Variants in DAB2IP observed in about 807,000 individuals in gnomAD.
The protein encoded by DAB2IP is DAB2 interacting protein.
DAB2IP carries 28 observed loss-of-function variants against 107.2 expected under a neutral mutation model. The ratio of observed to expected loss-of-function variants is 0.26; its 90% CI spans 0.19 to 0.36. The LOEUF is 0.36. DAB2IP is among the 10% of genes least tolerant of loss of function. DAB2IP has a pLI of 1.00. For missense variants in DAB2IP, 1,400 were observed against 1,644.7 expected (o/e 0.85, Z 2.57); for synonymous variants, 755 against 706.4 (o/e 1.07, Z -1.09).
intron 1 of DAB2IP, among the ~76,000 whole-genome samples, chr9:121,569,567 C>A (rs1182334517): frequency 6.6e-6 from 1 of 152,250 alleles, no homozygotes; most frequent in African/African-American, 2.4e-5. Context: ...TGCCTGAAAT[C>A]CCAGCACTTT....
At chr9:121,643,029 G>T (rs913431070) in intron 1 of DAB2IP, among the ~76,000 whole-genome samples, 11 of 151,944 alleles carry the variant, frequency 7.2e-5, no homozygotes, top group African/African-American at 2.7e-4. Flanking sequence ...GTGGGACCAC[G>T]TTTGGCACAT....
chr9:121,703,066 C>T (rs575440428), intron 3 of DAB2IP, among the ~76,000 whole-genome samples: 32 of 152,180 alleles, frequency 2.1e-4, no homozygotes, highest in African/African-American at 7.5e-4. Context: ...TGCTGGCTGG[C>T]GTTCCCACAC....
At chr9:121,642,989 A>C (rs764637892) in intron 1 of DAB2IP, among the ~76,000 whole-genome samples, 1 of 152,114 alleles carries the variant, frequency 6.6e-6, no homozygotes, top group Non-Finnish European at 1.5e-5. Context: ...GGAATGAGGC[A>C]GCAGGAACTG....
intron 3 of DAB2IP, among the ~76,000 whole-genome samples, chr9:121,740,653 C>T (rs1310006614): frequency 1.3e-5 from 2 of 152,206 alleles, no homozygotes; most frequent in East Asian, 3.8e-4. Flanking sequence ...GTTCAGAATG[C>T]ATCGGCTTGA....
At chr9:121,616,232 G>A (rs761662225) in intron 1 of DAB2IP, among the ~76,000 whole-genome samples, 1 of 152,228 alleles carries the variant, frequency 6.6e-6, no homozygotes, top group Admixed American at 6.5e-5. Flanking sequence ...GGGAAGAGAA[G>A]AGCCTTCTGT....
At chr9:121,755,899 G>A (rs1337415957) in intron 3 of DAB2IP, among the ~76,000 whole-genome samples, 2 of 152,198 alleles carry the variant, frequency 1.3e-5, no homozygotes, top group Non-Finnish European at 2.9e-5. Context: ...GGTTTGGCGA[G>A]GCAGGGAGAG....
At chr9:121,624,934 C>G (rs796738882) in intron 1 of DAB2IP, among the ~76,000 whole-genome samples, 1 of 152,032 alleles carries the variant, frequency 6.6e-6, no homozygotes, top group African/African-American at 2.4e-5. Flanking sequence ...TAGGGGGCTG[C>G]GAGAAGAGCA....
intron 1 of DAB2IP, among the ~76,000 whole-genome samples, chr9:121,567,862 C>T (rs657239): frequency 0.84 from 127,305 of 152,138 alleles, 53,326 homozygotes; most frequent in South Asian, 0.9. Flanking sequence ...GCTCCAGCGA[C>T]GCAGTAACTC....
intron 3 of DAB2IP, among the ~76,000 whole-genome samples, chr9:121,715,287 G>T (rs1192509823): frequency 6.6e-6 from 1 of 152,048 alleles, no homozygotes; most frequent in Non-Finnish European, 1.5e-5. Flanking sequence ...TTGCTTTCTT[G>T]GGTCTTTGCT....
intron 1 of DAB2IP, among the ~76,000 whole-genome samples, chr9:121,659,896 A>C (rs1833130468): frequency 1.3e-5 from 2 of 152,198 alleles, no homozygotes; most frequent in Non-Finnish European, 2.9e-5. Flanking sequence ...AGGCTGCCAC[A>C]GGTCTCACTG....
chr9:121,768,700 C>G, intron 10 of DAB2IP, 67 bp downstream of exon 10: 1 of 1,587,180 alleles, frequency 6.3e-7, no homozygotes. Flanking sequence ...TTCCCCCTTC[C>G]AGAGTAACCA....
chr9:121,581,862 T>G (rs1331036044), intron 1 of DAB2IP, among the ~76,000 whole-genome samples: 2 of 152,238 alleles, frequency 1.3e-5, no homozygotes, highest in Non-Finnish European at 2.9e-5. Context: ...AAATCGCCTG[T>G]GCTCCAGCCC....
intron 1 of DAB2IP, among the ~76,000 whole-genome samples, chr9:121,646,486 G>A (rs1210852726): frequency 2.1e-5 from 2 of 93,720 alleles, no homozygotes; most frequent in African/African-American, 4.2e-5. Flanking sequence ...CAAGTGTCCC[G>A]CCACCCCCCC....
chr9:121,771,607 G>T (rs183551421), intron 11 of DAB2IP, among the ~76,000 whole-genome samples: 332 of 152,298 alleles, frequency 2.2e-3, no homozygotes, highest in Admixed American at 3.7e-3. Context: ...TTTGGAGTGG[G>T]GGGTGCAGTA....
At position 121,658,464 on chromosome 9, in the gene DAB2IP, C is replaced by T. The variant is rs567031170; in HGVS notation, c.124+6565C>T. 9.2e-5 allele frequency among the ~76,000 whole-genome samples: 14 copies of T among 152,336 alleles called. No homozygotes were observed. The South Asian group carries it at 2.1e-3, about 23-fold the overall frequency. On this transcript the variant is annotated intron_variant, in intron 1 of 15. Transcript: ENST00000408936. ...ATGAGCAGCCGAGATGCCCACGTAT[C>T]GCGTGCCCGCTCTAGGAGTGGCGGG...
rs894466477 is a variant in DAB2IP, at chr9:121,755,834, G to A, written c.363-1179G>A. 3.3e-5 allele frequency among the ~76,000 whole-genome samples: 5 copies of A among 152,210 alleles called. No individual in the cohort carries two copies. The East Asian group carries it at 7.7e-4, about 23-fold the overall frequency. On this transcript the variant is annotated intron_variant, in intron 3 of 15. Coordinates refer to ENST00000408936, the Ensembl canonical transcript of DAB2IP. ...AAGTGTCTGGTGGCTCTGCCAAGCT[G>A]CGAGCCCCTCAAGGTCAGGGACCAA...
At chr9:121,640,910 C>T (rs546733109) in intron 1 of DAB2IP, among the ~76,000 whole-genome samples, 2 of 152,310 alleles carry the variant, frequency 1.3e-5, no homozygotes, top group East Asian at 3.9e-4. Flanking sequence ...TGGTAGTGAG[C>T]TCCCTGTCAC....
At chr9:121,752,130 CCATACTTGGA>C (rs1483769847) in intron 3 of DAB2IP, 1 of 693,800 alleles carries the variant, frequency 1.4e-6, no homozygotes, top group East Asian at 1.4e-4. Flanking sequence ...GGGAAGCGGC[CCATACTTGGA>C]CAGAGCAAGG....
chr9:121,770,789 A>G, intron 11 of DAB2IP, 65 bp downstream of exon 11: 1 of 1,565,068 alleles, frequency 6.4e-7, no homozygotes, highest in South Asian at 1.2e-5. Flanking sequence ...GCCCATCTGT[A>G]ATCTCAGATG....
Sources: allele counts gnomAD v4.1 joint callset (sites outside exome capture counted in the v4.1 genomes callset), GRCh38; gene constraint gnomAD v4.1.1; transcripts MANE v1.5; gene names NCBI Gene and HGNC (gene_info 2026-07-23, HGNC 2026-07-21).